FAM227A: variants seen among roughly 807,000 people sequenced by gnomAD.
The protein encoded by FAM227A is family with sequence similarity 227 member A.
Under a neutral mutation model 74.7 loss-of-function variants are expected in FAM227A, and 80 were observed. That is an observed-to-expected ratio of 1.07 (90% confidence interval 0.89 to 1.29). The LOEUF (loss-of-function observed/expected upper bound fraction) is 1.29. Among genes scored for constraint, FAM227A ranks in the 50% most tolerant of loss-of-function variants. The pLI is 0.00. For synonymous variants in FAM227A, 237 were observed against 241.8 expected (o/e 0.98, Z 0.19); for missense variants, 654 against 683.4 (o/e 0.96, Z 0.48).
intron 11 of FAM227A, among the ~76,000 whole-genome samples, chr22:38,617,676 T>C (rs998973118): frequency 6.6e-6 from 1 of 152,210 alleles, no homozygotes; most frequent in Non-Finnish European, 1.5e-5. Flanking sequence ...ATTCAGGTAC[T>C]AGAAGTGGGA....
chr22:38,626,880 AAAAAAAAAAAAATAT>A (rs2091814220), intron 8 of FAM227A, among the ~76,000 whole-genome samples: 2 of 109,090 alleles, frequency 1.8e-5, no homozygotes, highest in South Asian at 2.9e-4. Flanking sequence ...AAAAAAAAAA[AAAAAAAAAAAAATAT>A]ATATATATAT....
chr22:38,602,829 G>T lies in FAM227A; in HGVS notation c.1221+2425C>A, dbSNP rs903157655. Among the ~76,000 whole-genome samples, 7 of 152,244 alleles carry T rather than the reference G, an allele frequency of 4.6e-5. No individual in the cohort carries two copies. The East Asian group carries it at 1.2e-3, about 25-fold the overall frequency. On this transcript the variant is annotated intron_variant, in intron 13 of 16. Transcript: ENST00000535113. ...GACTCTGGTGTGTTTTTGAGGGGGA[G>T]ATCTGGCCTCTACTGCATTTGGGCT...
At chr22:38,630,027 A>G (rs1487043771) in intron 6 of FAM227A, among the ~76,000 whole-genome samples, 1 of 144,108 alleles carries the variant, frequency 6.9e-6, no homozygotes, top group Non-Finnish European at 1.5e-5. Flanking sequence ...TACCATCAGG[A>G]AGCGTGCCTC....
chr22:38,597,599 A>G (rs1255592217), intron 14 of FAM227A, among the ~76,000 whole-genome samples: 1 of 152,118 alleles, frequency 6.6e-6, no homozygotes, highest in Non-Finnish European at 1.5e-5. Context: ...ACGTAGGAAT[A>G]AAGTCCTTCT....
At chr22:38,626,913 T>TACAC (rs1555967138) in intron 8 of FAM227A, among the ~76,000 whole-genome samples, 3 of 89,828 alleles carry the variant, frequency 3.3e-5, no homozygotes, top group Non-Finnish European at 6.3e-5. Context: ...TATATATATA[T>TACAC]ACACGTATAT....
At chr22:38,640,768 C>T (rs1181024701) in intron 3 of FAM227A, among the ~76,000 whole-genome samples, 1 of 152,106 alleles carries the variant, frequency 6.6e-6, no homozygotes, top group Non-Finnish European at 1.5e-5. Context: ...AAGAGGTGGA[C>T]ATGAGTGTTG....
intron 16 of FAM227A, among the ~76,000 whole-genome samples, chr22:38,588,109 T>A (rs900977327): frequency 6.6e-6 from 1 of 152,186 alleles, no homozygotes; most frequent in Non-Finnish European, 1.5e-5. Flanking sequence ...GCACACTCAA[T>A]GGTTAAAGAC....
chr22:38,591,426 G>A lies in FAM227A; in HGVS notation c.1638+9C>T, dbSNP rs1031594852. ...AACCCTTAAACTCAATTTCTCTTTG[G>A]AGACTTCCCTTAGTTTTCTTGTCAG... On this transcript the variant is annotated intron_variant, in intron 16 of 16. Coordinates refer to ENST00000535113, the MANE Select transcript of FAM227A (RefSeq NM_001013647.2). The A allele has an allele frequency of 6.5e-6, 10 of 1,550,134 alleles. No homozygotes were observed. Among genetic ancestry groups the A allele is most frequent in the Admixed American group, 5.9e-5 (3 of 50,872 alleles).
At chr22:38,618,513 C>T (rs2146344227) in intron 11 of FAM227A, 1 of 152,272 alleles carries the variant, frequency 6.6e-6, no homozygotes, top group East Asian at 1.9e-4. Flanking sequence ...TAGCCACTTC[C>T]TTGAGGTTTT....
At chr22:38,636,231 C>G (rs1409887263) in intron 6 of FAM227A, among the ~76,000 whole-genome samples, 1 of 152,100 alleles carries the variant, frequency 6.6e-6, no homozygotes, top group East Asian at 1.9e-4. Flanking sequence ...AAATTGCACA[C>G]CAGTAGGATA....
intron 1 of FAM227A, among the ~76,000 whole-genome samples, chr22:38,653,503 A>G (rs1204291737): frequency 6.6e-6 from 1 of 151,892 alleles, no homozygotes; most frequent in African/African-American, 2.4e-5. Flanking sequence ...CGGCCTCTCA[A>G]GTAGCTGGGA....
At chr22:38,629,512 A>G (rs941319522) in intron 6 of FAM227A, among the ~76,000 whole-genome samples, 7 of 152,142 alleles carry the variant, frequency 4.6e-5, no homozygotes, top group African/African-American at 1.7e-4. Flanking sequence ...CTCTCACTTT[A>G]TTTTCCACAA....
chr22:38,617,065 G>C (rs56703183), intron 11 of FAM227A, among the ~76,000 whole-genome samples: 6,718 of 152,070 alleles, frequency 0.044, 246 homozygotes, highest in East Asian at 0.11. Flanking sequence ...CGCTGCAGGG[G>C]AAGTGTTTCG....
At position 38,599,889 on chromosome 22, in the gene FAM227A, A is replaced by G. The variant is rs1275838330; in HGVS notation, c.1254T>C (p.Thr418=). 2 of 1,551,356 alleles carry G rather than the reference A, an allele frequency of 1.3e-6. No individual in the cohort carries two copies. Among genetic ancestry groups the G allele is most frequent in the East Asian group, 4.9e-5 (2 of 40,900 alleles). ...SCAACKSPEL[T]SNLFNIYGKS... is the part of the protein sequence containing the mutation. ...TCCCATAAATGTTGAAGAGGTTTGA[A>G]GTCAGCTCAGGGCTTTTGCAGGCAG... Residue 418 remains threonine (T), a synonymous_variant, in exon 14 of 17, where the codon ACT becomes ACC. Coordinates refer to ENST00000535113, the MANE Select transcript of FAM227A (RefSeq NM_001013647.2).
chr22:38,622,666 A>G (rs926009984), intron 10 of FAM227A, among the ~76,000 whole-genome samples: 19 of 152,108 alleles, frequency 1.2e-4, no homozygotes, highest in African/African-American at 4.6e-4. Flanking sequence ...ATTTGAGGTC[A>G]GGAGTTCAAG....
At chr22:38,607,046 G>C (rs747567550) in intron 12 of FAM227A, among the ~76,000 whole-genome samples, 1 of 151,910 alleles carries the variant, frequency 6.6e-6, no homozygotes, top group African/African-American at 2.4e-5. Flanking sequence ...GCGTGGTAGC[G>C]CACGCCTGTA....
At chr22:38,621,386 G>T (rs1020917149) in intron 10 of FAM227A, among the ~76,000 whole-genome samples, 1 of 123,066 alleles carries the variant, frequency 8.1e-6, no homozygotes, top group African/African-American at 3.0e-5. Flanking sequence ...AAGAAAACAA[G>T]AAAAAAAAAA....
intron 14 of FAM227A, 23 bp from the exon 15 acceptor site, chr22:38,597,379 T>A (rs780543329): frequency 6.4e-7 from 1 of 1,550,988 alleles, no homozygotes; most frequent in Non-Finnish European, 8.7e-7. Flanking sequence ...GTCAAGGAAA[T>A]CCCCGTACTG....
At chr22:38,629,646 A>C (rs1366989624) in intron 6 of FAM227A, among the ~76,000 whole-genome samples, 1 of 152,204 alleles carries the variant, frequency 6.6e-6, no homozygotes, top group African/African-American at 2.4e-5. Flanking sequence ...CTGGGCCCAG[A>C]CTCACACACA....
Sources: gnomAD v4.1 joint callset for allele counts (sites outside exome capture counted in the v4.1 genomes callset) on GRCh38, gnomAD v4.1.1 for gene constraint, MANE v1.5 for transcripts, NCBI Gene and HGNC (gene_info 2026-07-23, HGNC 2026-07-21) for gene names.